Variants in MINDY4 observed in about 807,000 individuals in gnomAD.
MINDY4 encodes the protein MINDY lysine 48 deubiquitinase 4, also known as probable ubiquitin carboxyl-terminal hydrolase MINDY-4.
A neutral mutation model predicts 87.0 loss-of-function variants in MINDY4; 68 were observed. The ratio of observed to expected loss-of-function variants is 0.78; its 90% confidence interval spans 0.64 to 0.96. The LOEUF is 0.96. MINDY4 is among the 40% of genes least tolerant of loss of function. The probability of loss-of-function intolerance (pLI) is 0.00; values close to 1 mark genes in which losing one functional copy is unlikely to be tolerated. For missense variants in MINDY4, 919 were observed against 928.2 expected (o/e 0.99, Z 0.13); for synonymous variants, 379 against 363.2 (o/e 1.04, Z -0.50).
intron 12 of MINDY4, among the ~76,000 whole-genome samples, chr7:30,854,024 G>A (rs1017496995): frequency 3.9e-5 from 6 of 152,194 alleles, no homozygotes; most frequent in African/African-American, 1.2e-4. Flanking sequence ...CTGGCCATGA[G>A]CTGGGCGGGA....
At chr7:30,853,292 G>A (rs1218963361) in intron 11 of MINDY4, 102 bp from the exon 12 acceptor site, 27 of 911,740 alleles carry the variant, frequency 3.0e-5, no homozygotes, top group Admixed American at 5.9e-5. Context: ...ACATTCCCAA[G>A]TTGGATTTTG....
At chr7:30,869,844 A>G (rs1470244713) in intron 13 of MINDY4, among the ~76,000 whole-genome samples, 3 of 152,162 alleles carry the variant, frequency 2.0e-5, no homozygotes, top group African/African-American at 7.2e-5. Context: ...GACCGAGGCC[A>G]CACAGCAGGC....
chr7:30,856,608 AC>A (rs1789579371), intron 12 of MINDY4, among the ~76,000 whole-genome samples: 1 of 152,072 alleles, frequency 6.6e-6, no homozygotes, highest in Non-Finnish European at 1.5e-5. Flanking sequence ...CAGACCACAG[AC>A]CAAGAAAGTA....
chr7:30,775,727 CA>C (rs1199685433), intron 1 of MINDY4, among the ~76,000 whole-genome samples: 6 of 152,172 alleles, frequency 3.9e-5, no homozygotes, highest in Admixed American at 6.5e-5. Context: ...ATCACATTAG[CA>C]TACAGAAGAC....
intron 6 of MINDY4, among the ~76,000 whole-genome samples, chr7:30,831,175 T>A (rs1420385491): frequency 1.3e-5 from 2 of 152,180 alleles, no homozygotes; most frequent in African/African-American, 4.8e-5. Context: ...GGAAATCCAA[T>A]GGGTATTTCA....
Position 30,817,097 on chromosome 7 carries a change from G to T in MINDY4, c.1074-11582G>T, listed in dbSNP as rs373491679. ...CCAGTGGCCAAGGGAGGTAGAGGAAGCCCCTCCGGAGGCTCAGAGTCCCAC... is the reference window on the plus strand; with the variant it reads ...CCAGTGGCCAAGGGAGGTAGAGGAATCCCCTCCGGAGGCTCAGAGTCCCAC... On this transcript the variant is annotated intron_variant, in intron 5 of 17. Coordinates refer to ENST00000265299, the MANE Select transcript of MINDY4 (RefSeq NM_032222.3). Among the ~76,000 whole-genome samples, 86 of 152,250 alleles carry T rather than the reference G, an allele frequency of 5.6e-4. 1 individual carries two copies. Among genetic ancestry groups the T allele is most frequent in the African/African-American group, 2.0e-3 (84 of 41,544 alleles).
chr7:30,877,683 C>CTTCTTCTTCT (rs1554285649), intron 15 of MINDY4, among the ~76,000 whole-genome samples: 1 of 112,706 alleles, frequency 8.9e-6, no homozygotes, highest in Non-Finnish European at 1.9e-5. Context: ...TCTTCTTCTT[C>CTTCTTCTTCT]TTTTTTTTTT....
chr7:30,889,432 G>C (rs1380118898), intron 17 of MINDY4, among the ~76,000 whole-genome samples: 1 of 152,070 alleles, frequency 6.6e-6, no homozygotes, highest in Non-Finnish European at 1.5e-5. Flanking sequence ...CTGCTGGTTG[G>C]ACCTATATTA....
intron 1 of MINDY4, among the ~76,000 whole-genome samples, chr7:30,774,984 A>G (rs1264297212): frequency 6.6e-6 from 1 of 152,078 alleles, no homozygotes; most frequent in African/African-American, 2.4e-5. Context: ...TTGAATTCTT[A>G]CAACTGCCTA....
chr7:30,815,181 T>C (rs920780147), intron 5 of MINDY4, among the ~76,000 whole-genome samples: 3 of 152,168 alleles, frequency 2.0e-5, no homozygotes, highest in Non-Finnish European at 2.9e-5. Context: ...TGGCAGCAAC[T>C]CCTTCAGGCA....
chr7:30,778,662 C>T, intron 2 of MINDY4, 111 bp downstream of exon 2: 1 of 1,308,866 alleles, frequency 7.6e-7, no homozygotes, highest in South Asian at 1.3e-5. Context: ...CCTGGCCTGT[C>T]ACACTTGCGG....
intron 12 of MINDY4, among the ~76,000 whole-genome samples, chr7:30,855,370 G>A (rs941698660): frequency 1.3e-5 from 2 of 152,230 alleles, no homozygotes; most frequent in African/African-American, 4.8e-5. Flanking sequence ...GGAGTGTTGT[G>A]AGAGTGCAGC....
At chr7:30,792,214 C>T (rs1464856844) in intron 5 of MINDY4, among the ~76,000 whole-genome samples, 1 of 152,208 alleles carries the variant, frequency 6.6e-6, no homozygotes, top group Non-Finnish European at 1.5e-5. Context: ...GAATGTTAAA[C>T]CAACCTTACA....
chr7:30,885,470 C>CCA (rs1376201107), intron 17 of MINDY4, among the ~76,000 whole-genome samples: 1 of 152,162 alleles, frequency 6.6e-6, no homozygotes, highest in African/African-American at 2.4e-5. Context: ...TGAGATCATG[C>CCA]CATTGCACGC....
intron 5 of MINDY4, among the ~76,000 whole-genome samples, chr7:30,812,837 G>C (rs967396112): frequency 6.6e-6 from 1 of 152,088 alleles, no homozygotes; most frequent in Admixed American, 6.5e-5. Flanking sequence ...AAAACTTCTG[G>C]ACCTTTGATT....
intron 12 of MINDY4, among the ~76,000 whole-genome samples, chr7:30,855,732 AGT>A (rs1789549395): frequency 6.6e-6 from 1 of 152,186 alleles, no homozygotes. Flanking sequence ...GGGTTCAGAG[AGT>A]GGGATTTGTT....
chr7:30,858,159 C>T (rs1789634302), intron 12 of MINDY4: 1 of 152,142 alleles, frequency 6.6e-6, no homozygotes, highest in South Asian at 2.1e-4. Flanking sequence ...GAGGCCTTCA[C>T]ACTGACTTGA....
At chr7:30,810,707 T>C (rs1049395535) in intron 5 of MINDY4, among the ~76,000 whole-genome samples, 1 of 152,146 alleles carries the variant, frequency 6.6e-6, no homozygotes, top group Non-Finnish European at 1.5e-5. Flanking sequence ...TAAATATGTA[T>C]ACAAAGTTTT....
intron 9 of MINDY4, among the ~76,000 whole-genome samples, chr7:30,841,157 AG>A (rs1789022931): frequency 6.6e-6 from 1 of 152,110 alleles, no homozygotes; most frequent in African/African-American, 2.4e-5. Context: ...TCCACCCACC[AG>A]GTCGACCTGC....
Sources: allele counts gnomAD v4.1 joint callset (sites outside exome capture counted in the v4.1 genomes callset), GRCh38; gene constraint gnomAD v4.1.1; transcripts MANE v1.5; gene names NCBI Gene and HGNC (gene_info 2026-07-23, HGNC 2026-07-21).